ABCB5: variants seen among roughly 807,000 people sequenced by gnomAD.
ABCB5 encodes the protein ATP binding cassette subfamily B member 5.
A neutral mutation model predicts 144.2 loss-of-function variants in ABCB5; 155 were observed. The observed-to-expected ratio is 1.08, with a 90% CI of 0.94 to 1.23. The LOEUF (loss-of-function observed/expected upper bound fraction) is 1.23, where lower values mean the gene tolerates loss of function less well. Among genes scored for constraint, ABCB5 ranks in the 50% most tolerant of loss-of-function variants. The pLI, the probability that ABCB5 is intolerant of heterozygous loss-of-function variation, is 0.00. For synonymous variants in ABCB5, 610 were observed against 528.6 expected, an observed-to-expected ratio of 1.15 and a Z score of -2.11; for missense variants, 1,830 against 1,520.8, an observed-to-expected ratio of 1.20 and a Z score of -3.38.
chr7:20,683,556 T>C (rs879351342), intron 15 of ABCB5, among the ~76,000 whole-genome samples: 6 of 148,896 alleles, frequency 4.0e-5, no homozygotes, highest in Non-Finnish European at 9.1e-5. Context: ...CCATTATAGG[T>C]CTTAAGTTAA....
chr7:20,694,556 C>G (rs769652218), intron 16 of ABCB5, among the ~76,000 whole-genome samples: 15 of 152,010 alleles, frequency 9.9e-5, no homozygotes, highest in Non-Finnish European at 2.1e-4. Flanking sequence ...AGGGCATACA[C>G]TACATCTATT....
At chr7:20,667,007 C>T (rs548354044) in intron 14 of ABCB5, 13 of 693,018 alleles carry the variant, frequency 1.9e-5, no homozygotes, top group Middle Eastern at 3.8e-4. Flanking sequence ...AGGAGTATAT[C>T]GGTTTTAGGT....
chr7:20,617,231 T>C (rs1361132250), intron 1 of ABCB5, among the ~76,000 whole-genome samples: 5 of 152,154 alleles, frequency 3.3e-5, no homozygotes, highest in African/African-American at 4.8e-5. Context: ...TATATATCTA[T>C]AGAATGAGTA....
chr7:20,659,294 T>C, intron 14 of ABCB5: 1 of 1,439,430 alleles, frequency 6.9e-7, no homozygotes, highest in Non-Finnish European at 9.1e-7. Flanking sequence ...ATTGAACAGT[T>C]TTCTCGATGG....
chr7:20,756,924 A>C lies in ABCB5; in HGVS notation c.*1300A>C, dbSNP rs560002430. On this transcript the variant is annotated 3_prime_UTR_variant, in exon 28 of 28. Coordinates refer to ENST00000404938, the MANE Select transcript of ABCB5 (RefSeq NM_001163941.2). The stretch of plus-strand genomic sequence containing the variant: ...CTAAAGTGTACTCTACCAATAATTG[A>C]AATCTTGTTAAACAAAATTAAAACC... 6.6e-6 allele frequency: 1 copy of C among 152,456 alleles called. No homozygotes were observed. Among genetic ancestry groups the C allele is most frequent in the East Asian group, 1.9e-4 (1 of 5,324 alleles). The allele number at this position is 152,456 out of a possible 1,614,324, so 9.4% of individuals were successfully genotyped here. A position where few individuals can be genotyped will look rare whatever the true frequency, so the allele number is the denominator to read the frequency against.
rs73684675 is a variant in ABCB5 at position 20,660,791 on chromosome 7, A to T, written c.1707+2115A>T. Among the ~76,000 whole-genome samples, 346 of 152,304 alleles carry T rather than the reference A, an allele frequency of 2.3e-3. 1 individual carries two copies. Among genetic ancestry groups the T allele is most frequent in the African/African-American group, 8.0e-3 (332 of 41,556 alleles). ...TAACCAACGAAAGAAGACATAATGA[A>T]GTGTATCCCTCCTCCCTGGTGATAG... On this transcript the variant is annotated intron_variant, in intron 14 of 27. Transcript: ENST00000404938.
chr7:20,734,963 G>A (rs940561227), intron 23 of ABCB5, among the ~76,000 whole-genome samples: 8 of 152,060 alleles, frequency 5.3e-5, no homozygotes, highest in Non-Finnish European at 8.8e-5. Context: ...AGTCCCTTTC[G>A]GCTGGTTTCC....
chr7:20,733,641 C>CTTTTT (rs869097054), intron 23 of ABCB5, among the ~76,000 whole-genome samples: 8 of 127,676 alleles, frequency 6.3e-5, no homozygotes, highest in African/African-American at 1.9e-4. Context: ...CTTTTCTTTT[C>CTTTTT]TTTTTTTTTT....
At chr7:20,696,400 G>C (rs776683804) in intron 16 of ABCB5, among the ~76,000 whole-genome samples, 3 of 152,056 alleles carry the variant, frequency 2.0e-5, no homozygotes, top group Non-Finnish European at 4.4e-5. Flanking sequence ...ATCAGTAGTT[G>C]CAGGAGGAAG....
Position 20,700,007 on chromosome 7 carries a change from C to A in ABCB5, c.2260-51C>A, listed in dbSNP as rs1207379788. ...TCTATTTGAGTTAAAAATATATCAA[C>A]TAAATGTTACAAAGGAAAAGAACGT... On this transcript the variant is annotated intron_variant, in intron 18 of 27. Transcript: ENST00000404938. 2.5e-6 allele frequency: 4 copies of A among 1,602,304 alleles called. No homozygotes were observed. In the Admixed American group the frequency reaches 6.7e-5, roughly 27 times the overall value.
rs574592723 is a variant in ABCB5, at chr7:20,717,883, C to CTTT, written c.2422-5099_2422-5097dup. ...AATACGGTAACATTCTTGTAACATT[C>CTTT]TTTTTTTTTTTTTTTTTTTTTTTTT... On this transcript the variant is annotated intron_variant, in intron 20 of 27. Coordinates refer to ENST00000404938, the MANE Select transcript of ABCB5 (RefSeq NM_001163941.2). Among the ~76,000 whole-genome samples, 138 of 43,266 alleles carry CTTT rather than the reference C, an allele frequency of 3.2e-3. 56 individuals carry two copies. Among genetic ancestry groups the CTTT allele is most frequent in the African/African-American group, 5.3e-3 (72 of 13,660 alleles). The allele number at this position is 43,266 out of a possible 152,430, so 28.4% of individuals were successfully genotyped here.
Position 20,723,183 on chromosome 7 carries a change from C to T in ABCB5, c.2589C>T (p.Ala863=). The change falls in exon 21 of 28, where the codon GCC becomes GCT. Residue 863 remains alanine, a synonymous_variant. Transcript: ENST00000404938. ...MIETAAMTGF[A]NKDKQELKHA... The stretch of plus-strand genomic sequence containing the variant: ...AAACCGCAGCAATGACTGGATTTGC[C>T]AACAAAGATAAGCAAGAACTTAAGC... The T allele has an allele frequency of 6.2e-7, 1 of 1,614,034 alleles. No individual in the cohort carries two copies. The highest frequency in any genetic ancestry group is 8.5e-7 in the Non-Finnish European group (1 of 1,180,006).
At chr7:20,656,020 G>A (rs533980091) in intron 13 of ABCB5, among the ~76,000 whole-genome samples, 110 of 152,270 alleles carry the variant, frequency 7.2e-4, no homozygotes, top group African/African-American at 2.4e-3. Flanking sequence ...TTGACAAGGC[G>A]AATGGAACTC....
intron 9 of ABCB5, among the ~76,000 whole-genome samples, chr7:20,646,890 G>A (rs1277478013): frequency 6.6e-6 from 1 of 152,152 alleles, no homozygotes; most frequent in Non-Finnish European, 1.5e-5. Flanking sequence ...AGTGAAATGT[G>A]AGCATGAACG....
intron 14 of ABCB5, chr7:20,667,406 C>G (rs781132013): frequency 1.1e-4 from 113 of 985,482 alleles, no homozygotes; most frequent in Non-Finnish European, 1.3e-4. Flanking sequence ...GATTCTGATT[C>G]TGTGCACAGA....
chr7:20,743,775 CA>C (rs879892446), intron 25 of ABCB5, among the ~76,000 whole-genome samples: 1 of 152,124 alleles, frequency 6.6e-6, no homozygotes, highest in Non-Finnish European at 1.5e-5. Context: ...CTGCAACGTA[CA>C]GTCTTTTCGC....
In ABCB5 at chr7:20,651,633, C is replaced by T; in HGVS notation, c.1536+10C>T. ...CATGGAGTTTCCTAATGTGAGTACACTGTGCAGCCTGTGTCCTTAGCTTAT... is the reference window on the plus strand; with the variant it reads ...CATGGAGTTTCCTAATGTGAGTACATTGTGCAGCCTGTGTCCTTAGCTTAT... On this transcript the variant is annotated intron_variant, in intron 13 of 27. Transcript: ENST00000404938. 2.5e-6 allele frequency: 4 copies of T among 1,613,354 alleles called. No individual in the cohort carries two copies. Among genetic ancestry groups the T allele is most frequent in the Non-Finnish European group, 3.4e-6 (4 of 1,179,404 alleles).
chr7:20,755,552 A>C lies in ABCB5; in HGVS notation c.3702A>C (p.Gln1234His). Reference protein sequence around the residue: ...VVLHNGKIKEQGTHQELLRNR... With the variant: ...VVLHNGKIKEHGTHQELLRNR... The stretch of plus-strand genomic sequence containing the variant: ...TGCACAATGGAAAGATAAAGGAACA[A>C]GGAACTCATCAAGAGCTCCTGAGAA... The change falls in exon 28 of 28, where the codon CAA becomes CAC. Residue 1234 changes from glutamine (Q) to histidine (H), a missense_variant. Coordinates refer to ENST00000404938, the MANE Select transcript of ABCB5 (RefSeq NM_001163941.2). The C allele has an allele frequency of 6.2e-7, 1 of 1,614,238 alleles. No individual in the cohort carries two copies.
chr7:20,690,923 G>C (rs913356967), intron 16 of ABCB5, among the ~76,000 whole-genome samples: 12 of 152,130 alleles, frequency 7.9e-5, no homozygotes, highest in Non-Finnish European at 1.3e-4. Context: ...TAAAATTAGA[G>C]ATTTTCACTT....
Sources: gnomAD v4.1 joint callset for allele counts (sites outside exome capture counted in the v4.1 genomes callset) on GRCh38, gnomAD v4.1.1 for gene constraint, MANE v1.5 for transcripts, NCBI Gene and HGNC (gene_info 2026-07-23, HGNC 2026-07-21) for gene names.